Variants in TENM2 observed in about 807,000 individuals in gnomAD.
TENM2 encodes teneurin-2.
Under a neutral mutation model 245.2 loss-of-function variants are expected in TENM2, and 52 were observed. The observed-to-expected ratio is 0.21, with a 90% CI of 0.17 to 0.27. TENM2 has a LOEUF of 0.27. TENM2 is among the 10% of genes least tolerant of loss of function. TENM2 has a pLI of 1.00. For missense variants in TENM2, 3,046 were observed against 3,666.8 expected, an observed-to-expected ratio of 0.83 and a Z score of 4.37; for synonymous variants, 1,363 against 1,438.9, an observed-to-expected ratio of 0.95 and a Z score of 1.19.
chr5:167,521,495 C>T (rs560757369), intron 2 of TENM2, among the ~76,000 whole-genome samples: 1 of 152,172 alleles, frequency 6.6e-6, no homozygotes, highest in South Asian at 2.1e-4. Context: ...AAACATTCAT[C>T]ATATACAGGT....
At chr5:168,191,440 C>T (rs1468422527) in intron 14 of TENM2, among the ~76,000 whole-genome samples, 2 of 151,912 alleles carry the variant, frequency 1.3e-5, no homozygotes, top group Non-Finnish European at 2.9e-5. Context: ...GTCCAGATGT[C>T]GATGGTGTAT....
intron 2 of TENM2, among the ~76,000 whole-genome samples, chr5:167,722,390 A>G (rs1475543653): frequency 6.6e-6 from 1 of 152,188 alleles, no homozygotes; most frequent in African/African-American, 2.4e-5. Context: ...ATAGATTGAT[A>G]GATAGATAAA....
the TENM2 span, among the ~76,000 whole-genome samples, chr5:167,031,222 T>TG: frequency 6.6e-6 from 1 of 152,196 alleles, no homozygotes; most frequent in Non-Finnish European, 1.5e-5. Context: ...ATCCACTTCA[T>TG]GGGAACATTC....
chr5:167,615,139 A>G (rs1341465630), intron 2 of TENM2, among the ~76,000 whole-genome samples: 1 of 152,108 alleles, frequency 6.6e-6, no homozygotes, highest in Non-Finnish European at 1.5e-5. Context: ...CAAAACATAC[A>G]TTTTTGTCAC....
intron 2 of TENM2, among the ~76,000 whole-genome samples, chr5:167,852,415 A>G (rs534616286): frequency 1.3e-5 from 2 of 152,358 alleles, no homozygotes; most frequent in East Asian, 1.9e-4. Context: ...AATGATGGTT[A>G]TATCTCCTCA....
intron 2 of TENM2, among the ~76,000 whole-genome samples, chr5:167,480,416 G>A (rs890173825): frequency 1.3e-5 from 2 of 152,156 alleles, no homozygotes; most frequent in Non-Finnish European, 2.9e-5. Flanking sequence ...CATCTCATAA[G>A]GAGGTGAGCA....
intron 1 of TENM2, among the ~76,000 whole-genome samples, chr5:167,346,868 G>A (rs1164107075): frequency 6.6e-6 from 1 of 151,964 alleles, no homozygotes; most frequent in Non-Finnish European, 1.5e-5. Context: ...TGACCTCCTG[G>A]GCTCAAGCAA....
chr5:167,632,823 C>T lies in TENM2; in HGVS notation c.503-243163C>T, dbSNP rs1053493119. Reference sequence around the variant, plus strand: ...TCCATGAAAGGAAATGCCCTGCTCTCGATCACACTGCCAAAAATAAAACAC... The same window carrying T: ...TCCATGAAAGGAAATGCCCTGCTCTTGATCACACTGCCAAAAATAAAACAC... On this transcript the variant is annotated intron_variant, in intron 2 of 28. Transcript: ENST00000518659. Among the ~76,000 whole-genome samples the T allele has an allele frequency of 5.9e-5, 9 of 152,262 alleles. No individual in the cohort carries two copies. The East Asian group carries it at 7.7e-4, about 13-fold the overall frequency.
At chr5:167,289,885 G>T (rs879832646) in intron 1 of TENM2, among the ~76,000 whole-genome samples, 12 of 152,104 alleles carry the variant, frequency 7.9e-5, no homozygotes, top group African/African-American at 2.2e-4. Context: ...ATAATTAAAA[G>T]GTTCTAGTTT....
At chr5:167,044,359 G>A in the TENM2 span, among the ~76,000 whole-genome samples, 5 of 152,166 alleles carry the variant, frequency 3.3e-5, no homozygotes, top group South Asian at 2.1e-4. Flanking sequence ...GTGACTTTGC[G>A]GAGGAAAAAA....
At chr5:167,906,540 T>A (rs956919609) in intron 3 of TENM2, among the ~76,000 whole-genome samples, 2 of 152,140 alleles carry the variant, frequency 1.3e-5, no homozygotes, top group African/African-American at 2.4e-5. Context: ...GGTCAGCATT[T>A]TGAAGCAATC....
intron 25 of TENM2, among the ~76,000 whole-genome samples, chr5:168,233,065 C>T (rs922220605): frequency 3.3e-5 from 5 of 152,200 alleles, no homozygotes; most frequent in African/African-American, 4.8e-5. Context: ...TGGTGTCTCA[C>T]GCCTGTAATC....
intron 3 of TENM2, among the ~76,000 whole-genome samples, chr5:167,949,182 G>A (rs1359254983): frequency 1.3e-5 from 2 of 152,124 alleles, no homozygotes; most frequent in Non-Finnish European, 2.9e-5. Flanking sequence ...GCTAAATTAC[G>A]AGAACAGGGA....
intron 1 of TENM2, among the ~76,000 whole-genome samples, chr5:167,346,728 A>G (rs946707529): frequency 1.3e-5 from 2 of 152,064 alleles, no homozygotes; most frequent in Non-Finnish European, 2.9e-5. Context: ...ACAGCAAGGA[A>G]TGTAGCCAGA....
chr5:167,830,255 TTTAA>T (rs1768353400), intron 2 of TENM2, among the ~76,000 whole-genome samples: 2 of 152,196 alleles, frequency 1.3e-5, no homozygotes, highest in Non-Finnish European at 2.9e-5. Flanking sequence ...GTGAGATGTG[TTTAA>T]TTATTTCTTT....
chr5:167,532,826 G>GTATATATA (rs148505748), intron 2 of TENM2, among the ~76,000 whole-genome samples: 6,308 of 144,418 alleles, frequency 0.044, 377 homozygotes, highest in East Asian at 0.31. Context: ...GTGTGTGTGT[G>GTATATATA]TATATATATA....
rs930715551 is a variant in TENM2, at chr5:167,686,686, A to G, written c.503-189300A>G. Among the ~76,000 whole-genome samples, 10 of 152,254 alleles carry G rather than the reference A, an allele frequency of 6.6e-5. No homozygotes were observed. In the East Asian group the frequency reaches 7.8e-4, roughly 12 times the overall value. ...AATTTTCTTGGCTGTCAACCTAACT[A>G]TTTGGGATTTGAAAAACCAAAAAGG... On this transcript the variant is annotated intron_variant, in intron 2 of 28. Coordinates refer to ENST00000518659, the Ensembl canonical transcript of TENM2.
At chr5:167,405,203 T>C (rs1762566500) in intron 2 of TENM2, among the ~76,000 whole-genome samples, 1 of 152,158 alleles carries the variant, frequency 6.6e-6, no homozygotes, top group Non-Finnish European at 1.5e-5. Context: ...TGGATATTTG[T>C]GTTGTTTTCC....
intron 2 of TENM2, among the ~76,000 whole-genome samples, chr5:167,642,738 G>C: frequency 6.6e-6 from 1 of 152,182 alleles, no homozygotes; most frequent in Non-Finnish European, 1.5e-5. Context: ...GAAATGCAAT[G>C]CTTGGCTTAA....
Sources: gnomAD v4.1 joint callset for allele counts (sites outside exome capture counted in the v4.1 genomes callset) on GRCh38, gnomAD v4.1.1 for gene constraint, MANE v1.5 for transcripts, NCBI Gene and HGNC (gene_info 2026-07-23, HGNC 2026-07-21) for gene names.